The following ZNF721 variants were observed in gnomAD, a reference collection of about 807,000 sequenced individuals.
The protein encoded by ZNF721 is zinc finger protein 721.
A neutral mutation model predicts 2.4 loss-of-function variants in ZNF721; 2 were observed. The observed-to-expected ratio is 0.82, with a 90% CI of 0.34 to 2.58. ZNF721 has a LOEUF of 2.58. Among genes scored for constraint, ZNF721 ranks in the 30% most tolerant of loss-of-function variants. The pLI is 0.11. For synonymous variants in ZNF721, 398 were observed against 381.8 expected (o/e 1.04, Z -0.50); for missense variants, 1,187 against 1,085.5 (o/e 1.09, Z -1.31).
At chr4:483,875 G>A (rs574493002) in intron 1 of ZNF721, among the ~76,000 whole-genome samples, 5 of 152,230 alleles carry the variant, frequency 3.3e-5, no homozygotes, top group East Asian at 3.9e-4. Context: ...GCAGTGGCAC[G>A]ATCTCAGCTC....
At position 442,256 on chromosome 4, in the gene ZNF721, G is replaced by A. The variant is rs782782968; in HGVS notation, c.2211C>T (p.Ser737=). The A allele has an allele frequency of 3.2e-5, 52 of 1,612,788 alleles. 1 individual carries two copies. The South Asian group carries it at 5.4e-4, about 17-fold the overall frequency. ...TTTTCTTATATTCGTTCAGGTTTGT[G>A]GACCATCCAAAGGATCTGCCACGAT... is the stretch of plus-strand genomic sequence containing the variant. ...CEDRGRSFGW[S]TNLNEYKKIH... is the part of the protein sequence containing the mutation. Residue 737 remains serine, a synonymous_variant, in exon 3 of 3, where the codon TCC becomes TCT. Transcript: ENST00000511833.
intron 1 of ZNF721, among the ~76,000 whole-genome samples, chr4:497,136 G>T (rs917976478): frequency 2.0e-5 from 3 of 151,656 alleles, no homozygotes; most frequent in Non-Finnish European, 2.9e-5. Flanking sequence ...CCTAGTGATG[G>T]GGCTCAAGCT....
chr4:462,866 C>T (rs901824665), intron 2 of ZNF721, among the ~76,000 whole-genome samples: 2 of 152,118 alleles, frequency 1.3e-5, no homozygotes, highest in Non-Finnish European at 2.9e-5. Flanking sequence ...GACTAAAACA[C>T]CAAAAGCAAT....
chr4:471,288 A>G (rs1412216327), intron 2 of ZNF721, among the ~76,000 whole-genome samples: 1 of 152,214 alleles, frequency 6.6e-6, no homozygotes, highest in East Asian at 1.9e-4. Flanking sequence ...CCTTGAAGAA[A>G]TATCTTCAGC....
chr4:456,048 A>G (rs999908318), intron 2 of ZNF721, among the ~76,000 whole-genome samples: 1 of 110,850 alleles, frequency 9.0e-6, no homozygotes, highest in Admixed American at 9.3e-5. Context: ...CACCAAAAAA[A>G]TTTTTATTTA....
rs1319484253 is a variant in ZNF721 at position 476,375 on chromosome 4, A to G, written c.-93-3674T>C. 3.9e-5 allele frequency among the ~76,000 whole-genome samples: 6 copies of G among 152,124 alleles called. No individual in the cohort carries two copies. In the East Asian group the frequency reaches 9.6e-4, roughly 24 times the overall value. On this transcript the variant is annotated intron_variant, in intron 1 of 2. Transcript: ENST00000511833. ...GGACACTGGTCAATGTTTGAATCTGAACTTACCTCCTGAATTCATTCTTGT... is the reference window on the plus strand; with the variant it reads ...GGACACTGGTCAATGTTTGAATCTGGACTTACCTCCTGAATTCATTCTTGT...
intron 1 of ZNF721, among the ~76,000 whole-genome samples, chr4:489,689 T>C (rs1157370503): frequency 1.3e-5 from 2 of 152,212 alleles, no homozygotes; most frequent in Non-Finnish European, 2.9e-5. Flanking sequence ...CTGCACTCAA[T>C]GTGGCAGCCA....
At chr4:461,014 G>A (rs537252596) in intron 2 of ZNF721, among the ~76,000 whole-genome samples, 8 of 152,056 alleles carry the variant, frequency 5.3e-5, no homozygotes, top group African/African-American at 1.9e-4. Flanking sequence ...TTCTACTAAC[G>A]GTACAAAGGG....
intron 1 of ZNF721, among the ~76,000 whole-genome samples, chr4:492,816 CT>C (rs1716057799): frequency 6.7e-6 from 1 of 149,788 alleles, no homozygotes; most frequent in Non-Finnish European, 1.5e-5. Flanking sequence ...AAAAACCTCA[CT>C]TTATTTTTGT....
intron 1 of ZNF721, among the ~76,000 whole-genome samples, chr4:495,611 T>C (rs1553872113): frequency 7.0e-6 from 1 of 143,390 alleles, no homozygotes; most frequent in Non-Finnish European, 1.6e-5. Flanking sequence ...CATTTCTTCT[T>C]TTTTTTTTGA....
chr4:489,486 G>A (rs1281186134), intron 1 of ZNF721, among the ~76,000 whole-genome samples: 2 of 152,162 alleles, frequency 1.3e-5, no homozygotes, highest in Admixed American at 6.5e-5. Context: ...CCACCACACC[G>A]GCACCAAACA....
Position 444,115 on chromosome 4 carries a change from A to G in ZNF721, c.352T>C (p.Phe118Leu). The G allele has an allele frequency of 6.2e-7, 1 of 1,614,156 alleles. No homozygotes were observed. The highest frequency in any genetic ancestry group is 8.5e-7 in the Non-Finnish European group (1 of 1,179,996). Reference protein sequence around the residue: ...HFKCNECGKSFQKFSDLTQHK... With the variant: ...HFKCNECGKSLQKFSDLTQHK... ...TGAGTTAGGTCTGAGAACTTCTGAA[A>G]TGACTTGCCACATTCGTTACATTTA... The change falls in exon 3 of 3, where the codon TTT (phenylalanine) becomes CTT (leucine). Residue 118 changes from phenylalanine (F) to leucine (L), a missense_variant. Coordinates refer to ENST00000511833, the MANE Select transcript of ZNF721 (RefSeq NM_133474.4).
chr4:473,922 T>C, intron 1 of ZNF721: 2 of 1,492,006 alleles, frequency 1.3e-6, no homozygotes, highest in Admixed American at 3.5e-5. Flanking sequence ...CCGCCGCCAT[T>C]TGCCGCCGGT....
chr4:456,470 T>C (rs530889818), intron 2 of ZNF721, among the ~76,000 whole-genome samples: 1 of 152,374 alleles, frequency 6.6e-6, no homozygotes, highest in African/African-American at 2.4e-5. Context: ...GAATTATACA[T>C]ATATTTTAAA....
Position 441,749 on chromosome 4 carries a change from T to C in ZNF721, c.2718A>G (p.Ala906=), listed in dbSNP as rs781933162. The C allele has an allele frequency of 1.2e-6, 2 of 1,613,506 alleles. No homozygotes were observed. Among genetic ancestry groups the C allele is most frequent in the East Asian group, 2.2e-5 (1 of 44,870 alleles). Residue 906 remains alanine, a synonymous_variant, in exon 3 of 3, where the codon GCA becomes GCG. Coordinates refer to ENST00000511833, the MANE Select transcript of ZNF721 (RefSeq NM_133474.4). Reference sequence around the variant, plus strand: ...GAATTTTCTTATGTGCATAAAGATTTGCAGACTGTCTAAAGGTTTTGCCAC... The same window carrying C: ...GAATTTTCTTATGTGCATAAAGATTCGCAGACTGTCTAAAGGTTTTGCCAC... ...GDCGKTFRQS[A]NLYAHKKIHT...
At chr4:498,872 C>T (rs1716490729) in intron 1 of ZNF721, among the ~76,000 whole-genome samples, 184 bp downstream of exon 1, 1 of 151,902 alleles carries the variant, frequency 6.6e-6, no homozygotes, top group African/African-American at 2.4e-5. Flanking sequence ...CGACAGGCAC[C>T]CGCCATCACG....
At chr4:471,649 C>G (rs903712203) in intron 2 of ZNF721, among the ~76,000 whole-genome samples, 8 of 152,016 alleles carry the variant, frequency 5.3e-5, no homozygotes, top group Admixed American at 1.3e-4. Context: ...TGCTAATGTA[C>G]ATTAGCATTA....
chr4:476,112 C>T (rs1489557551), intron 1 of ZNF721, among the ~76,000 whole-genome samples: 9 of 152,162 alleles, frequency 5.9e-5, no homozygotes, highest in African/African-American at 2.2e-4. Context: ...CTGAATTCTG[C>T]TTCAGTCACC....
At position 495,402 on chromosome 4, in the gene ZNF721, A is replaced by G. The variant is rs140689625; in HGVS notation, c.-94+3654T>C. Among the ~76,000 whole-genome samples, 8 of 151,104 alleles carry G rather than the reference A, an allele frequency of 5.3e-5. No homozygotes were observed. The East Asian group carries it at 1.6e-3, about 29-fold the overall frequency. ...ACCAAAAACATGAAACCTTCTAAAT[A>G]TAAACATGCACACATACACACCCAA... On this transcript the variant is annotated intron_variant, in intron 1 of 2. Coordinates refer to ENST00000511833, the MANE Select transcript of ZNF721 (RefSeq NM_133474.4).
Sources: allele counts gnomAD v4.1 joint callset (sites outside exome capture counted in the v4.1 genomes callset), GRCh38; gene constraint gnomAD v4.1.1; transcripts MANE v1.5; gene names NCBI Gene and HGNC (gene_info 2026-07-23, HGNC 2026-07-21).